Variants in TKT observed in about 807,000 individuals in gnomAD.
TKT encodes epididymis luminal protein 107.
In TKT, 47 loss-of-function variants were observed where a neutral mutation model predicts 63.9. The observed-to-expected ratio is 0.74, with a 90% CI of 0.58 to 0.94. The LOEUF (loss-of-function observed/expected upper bound fraction) is 0.94. Ranked by LOEUF, TKT falls within the 40% of genes least tolerant of loss-of-function variation. The pLI is 0.00. For missense variants in TKT, 721 were observed against 846.2 expected (o/e 0.85, Z 1.84); for synonymous variants, 338 against 334.1 (o/e 1.01, Z -0.13).
intron 4 of TKT, 81 bp downstream of exon 4, chr3:53,240,169 TG>T: frequency 2.2e-6 from 3 of 1,351,214 alleles, no homozygotes; most frequent in South Asian, 2.5e-5. Context: ...AGGAAGAGTC[TG>T]GGGGCGATGG....
At chr3:53,234,900 TCCTGCACCTGCA>T in intron 5 of TKT, 71 bp downstream of exon 5, 1 of 1,408,980 alleles carries the variant, frequency 7.1e-7, no homozygotes. Context: ...CAGCTTCAGC[TCCTGCACCTGCA>T]CCTGCAAAGC....
At position 53,230,394 on chromosome 3, in the gene TKT, G is replaced by A. The variant is rs532629988; in HGVS notation, c.1107+63C>T. On this transcript the variant is annotated intron_variant, in intron 8 of 13. Coordinates refer to ENST00000462138, the MANE Select transcript of TKT (RefSeq NM_001064.4). ...CTGGCTCTGCCAACATGGCTGCCCC[G>A]CACCCCTCAGACCACAGCCCTCAGC... 196 of 1,602,078 alleles carry A rather than the reference G, an allele frequency of 1.2e-4. No individual in the cohort carries two copies. The African/African-American group carries it at 2.1e-3, about 17-fold the overall frequency.
intron 2 of TKT, 82 bp from the exon 3 acceptor site, chr3:53,241,327 G>C (rs1359594844): frequency 7.2e-6 from 9 of 1,255,898 alleles, no homozygotes; most frequent in Middle Eastern, 1.9e-4. Flanking sequence ...CTGACCCCTG[G>C]GGCCCGGCCG....
chr3:53,241,749 C>T (rs569007317), intron 2 of TKT: 6 of 295,428 alleles, frequency 2.0e-5, no homozygotes, highest in Admixed American at 8.4e-5. Context: ...GCCTCGGGAG[C>T]GCTGGCACAA....
chr3:53,250,010 C>T (rs1553681435), intron 1 of TKT, among the ~76,000 whole-genome samples: 1 of 152,190 alleles, frequency 6.6e-6, no homozygotes, highest in Non-Finnish European at 1.5e-5. Context: ...TAGGAAGCCA[C>T]GACAAAGTCT....
chr3:53,254,584 T>C (rs1436601088), intron 1 of TKT, among the ~76,000 whole-genome samples: 2 of 152,216 alleles, frequency 1.3e-5, no homozygotes, highest in African/African-American at 4.8e-5. Flanking sequence ...CAGAGCTTGT[T>C]TGGGAAGGTC....
intron 1 of TKT, among the ~76,000 whole-genome samples, chr3:53,255,187 C>T (rs1270365102): frequency 6.6e-6 from 1 of 152,254 alleles, no homozygotes; most frequent in Non-Finnish European, 1.5e-5. Flanking sequence ...CTCAGCAGCC[C>T]CCTGCTCCAA....
At chr3:53,228,014 G>C (rs781909469) in intron 12 of TKT, 42 bp downstream of exon 12, 20 of 1,570,860 alleles carry the variant, frequency 1.3e-5, no homozygotes, top group Non-Finnish European at 1.7e-5. Context: ...CTAGCATGCA[G>C]TGGCCGCTCA....
intron 13 of TKT, chr3:53,226,237 G>T (rs929685252): frequency 1.3e-5 from 4 of 313,808 alleles, no homozygotes; most frequent in Non-Finnish European, 2.4e-5. Flanking sequence ...ATTTTTATAA[G>T]CCCAAATATG....
rs199718022 is a variant in TKT, at chr3:53,242,165, T to A, written c.185A>T (p.Asp62Val). Residue 62 changes from aspartate to valine, a missense_variant, in exon 2 of 14, where the codon GAC becomes GTC. By Grantham distance (152) the Asp-to-Val change is radical. Coordinates refer to ENST00000462138, the MANE Select transcript of TKT (RefSeq NM_001064.4). ...FFHTMRYKSQ[D>V]PRNPHNDRFV... The stretch of plus-strand genomic sequence containing the variant: ...GCGGTCATTGTGCGGATTCCGGGGG[T>A]CCTGGGACTTGTAGCGCATGGTGTG... 1 of 1,613,910 alleles carries A rather than the reference T, an allele frequency of 6.2e-7. No individual in the cohort carries two copies. The highest frequency in any genetic ancestry group is 2.2e-5 in the East Asian group (1 of 44,872).
Position 53,229,211 on chromosome 3 carries a change from T to TC in TKT, c.1264+68dup. Reference sequence around the variant, plus strand: ...ATCCATGGGCTGGAATCCTGGCCCATCCCCCTCCCATACCTCCTGGTGCAA... The same window carrying TC: ...ATCCATGGGCTGGAATCCTGGCCCATCCCCCCTCCCATACCTCCTGGTGCAA... On this transcript the variant is annotated intron_variant, in intron 9 of 13. Coordinates refer to ENST00000462138, the MANE Select transcript of TKT (RefSeq NM_001064.4). 2.5e-6 allele frequency: 4 copies of TC among 1,611,700 alleles called. No homozygotes were observed. In the Admixed American group the frequency reaches 6.7e-5, roughly 27 times the overall value.
intron 1 of TKT, among the ~76,000 whole-genome samples, chr3:53,253,583 G>C (rs1705851537): frequency 6.6e-6 from 1 of 152,218 alleles, no homozygotes; most frequent in African/African-American, 2.4e-5. Flanking sequence ...TGGCCAAGAT[G>C]GTGAAACCCC....
intron 1 of TKT, among the ~76,000 whole-genome samples, chr3:53,255,201 C>T (rs1705932831): frequency 6.6e-6 from 1 of 152,242 alleles, no homozygotes; most frequent in African/African-American, 2.4e-5. Context: ...GCTCCAAACT[C>T]GGACCCAACC....
chr3:53,245,852 A>G (rs62255996), intron 1 of TKT, among the ~76,000 whole-genome samples: 16,303 of 152,316 alleles, frequency 0.11, 979 homozygotes, highest in South Asian at 0.14. Context: ...AACCTAAGTA[A>G]TCTTTCAAGC....
chr3:53,250,043 T>C (rs1257328709), intron 1 of TKT, among the ~76,000 whole-genome samples: 1 of 152,200 alleles, frequency 6.6e-6, no homozygotes, highest in Non-Finnish European at 1.5e-5. Context: ...AACTAGGTGC[T>C]GTACTTCACT....
chr3:53,238,200 C>T (rs1169605318), intron 4 of TKT, among the ~76,000 whole-genome samples: 1 of 152,200 alleles, frequency 6.6e-6, no homozygotes, highest in Non-Finnish European at 1.5e-5. Flanking sequence ...TGACTTGTTC[C>T]ATTATGTTAG....
At chr3:53,247,272 G>A (rs9875011) in intron 1 of TKT, among the ~76,000 whole-genome samples, 13,442 of 146,812 alleles carry the variant, frequency 0.092, 2,076 homozygotes, top group African/African-American at 0.32. Context: ...CAGGAGAATC[G>A]CTTGAACCTG....
chr3:53,254,709 C>T (rs1705905250), intron 1 of TKT, among the ~76,000 whole-genome samples: 1 of 152,166 alleles, frequency 6.6e-6, no homozygotes, highest in African/African-American at 2.4e-5. Flanking sequence ...TGAAACCACC[C>T]AGCGTGGTTA....
chr3:53,243,607 G>A (rs1553680368), intron 1 of TKT: 1 of 456,522 alleles, frequency 2.2e-6, no homozygotes, highest in Non-Finnish European at 4.4e-6. Context: ...CCCGGTCATG[G>A]GAAAAGACAC....
Sources: gnomAD v4.1 joint callset for allele counts (sites outside exome capture counted in the v4.1 genomes callset) on GRCh38, gnomAD v4.1.1 for gene constraint, MANE v1.5 for transcripts, NCBI Gene and HGNC (gene_info 2026-07-23, HGNC 2026-07-21) for gene names.